The following NHSL2 variants were observed in gnomAD, a reference collection of about 807,000 sequenced individuals.
NHSL2 encodes NHS-like protein 2.
Under a neutral mutation model 53.4 loss-of-function variants are expected in NHSL2, and 27 were observed. The ratio of observed to expected loss-of-function variants is 0.51; its 90% CI spans 0.37 to 0.70. The LOEUF (loss-of-function observed/expected upper bound fraction) is 0.70, where lower values mean the gene tolerates loss of function less well. Among genes scored for constraint, NHSL2 ranks in the 30% least tolerant of loss-of-function variants. The pLI, the probability that NHSL2 is intolerant of heterozygous loss-of-function variation, is 0.00. For synonymous variants in NHSL2, 408 were observed against 404.1 expected (o/e 1.01, Z -0.12); for missense variants, 892 against 980.1 (o/e 0.91, Z 1.20).
intron 1 of NHSL2, among the ~76,000 whole-genome samples, chrX:71,980,362 A>T (rs886808208): frequency 7.2e-5 from 8 of 111,294 alleles, no homozygotes; most frequent in Non-Finnish European, 1.1e-4. Context: ...CAGTATGGCC[A>T]TTTTCACGAT....
At chrX:72,066,342 T>G (rs182662219) in intron 1 of NHSL2, among the ~76,000 whole-genome samples, 1 of 111,986 alleles carries the variant, frequency 8.9e-6, no homozygotes, top group South Asian at 3.7e-4. Context: ...GAGAAAGCAC[T>G]GAATGTGGAG....
intron 1 of NHSL2, among the ~76,000 whole-genome samples, chrX:72,058,608 G>A (rs1432661511): frequency 8.9e-6 from 1 of 112,024 alleles, no homozygotes; most frequent in African/African-American, 3.3e-5. Flanking sequence ...ATCCCAAAGT[G>A]CTGGGATTAT....
chrX:72,144,640 T>C lies in NHSL2; in HGVS notation c.*1066T>C. 1 of 753,693 alleles carries C rather than the reference T, an allele frequency of 1.3e-6. No individual in the cohort carries two copies. Among genetic ancestry groups the C allele is most frequent in the East Asian group, 6.6e-5 (1 of 15,063 alleles). 62.1% of individuals were successfully genotyped at this position (753,693 alleles called of 1,213,427 possible). ...GACTCTGTTCCAAAAACCAAGAACATATAAACTAAAAGGATCTATCCAAAA... is the reference window on the plus strand; with the variant it reads ...GACTCTGTTCCAAAAACCAAGAACACATAAACTAAAAGGATCTATCCAAAA... On this transcript the variant is annotated 3_prime_UTR_variant, in exon 8 of 8. Coordinates refer to ENST00000633930, the MANE Select transcript of NHSL2 (RefSeq NM_001013627.3).
intron 1 of NHSL2, among the ~76,000 whole-genome samples, chrX:72,121,953 A>G (rs758153219): frequency 8.9e-6 from 1 of 112,524 alleles, no homozygotes; most frequent in South Asian, 3.6e-4. Flanking sequence ...ATCTCAAAAA[A>G]TCATTTGTGT....
At chrX:72,007,110 A>G (rs1020456815) in intron 1 of NHSL2, among the ~76,000 whole-genome samples, 7 of 112,065 alleles carry the variant, frequency 6.2e-5, no homozygotes, top group Admixed American at 1.9e-4. Flanking sequence ...TGGAAGAGCT[A>G]GGAAAGAGAA....
chrX:71,914,820 C>G (rs887747758), intron 1 of NHSL2, among the ~76,000 whole-genome samples: 3 of 110,890 alleles, frequency 2.7e-5, no homozygotes, highest in Admixed American at 9.6e-5. Flanking sequence ...TGAGTCTGAC[C>G]GTCCTTGCTA....
At chrX:72,020,791 G>A (rs1358200684) in intron 1 of NHSL2, among the ~76,000 whole-genome samples, 1 of 112,849 alleles carries the variant, frequency 8.9e-6, no homozygotes, top group Non-Finnish European at 1.9e-5. Flanking sequence ...CCATGGACCA[G>A]TGACATAGAA....
In NHSL2 at chrX:71,962,067, C is replaced by T. The variant is rs372032221; in HGVS notation, c.280+50700C>T. 4.5e-5 allele frequency among the ~76,000 whole-genome samples: 5 copies of T among 112,334 alleles called. No individual in the cohort carries two copies. The South Asian group carries it at 1.8e-3, about 41-fold the overall frequency. ...TTTTTTGTTTGTTTTGCTTCATTTTCAAATGATCATGTGGTCTTTTTCCTT... is the reference window on the plus strand; with the variant it reads ...TTTTTTGTTTGTTTTGCTTCATTTTTAAATGATCATGTGGTCTTTTTCCTT... On this transcript the variant is annotated intron_variant, in intron 1 of 7. Coordinates refer to ENST00000633930, the MANE Select transcript of NHSL2 (RefSeq NM_001013627.3).
At chrX:72,137,373 A>C in intron 5 of NHSL2, 148 bp downstream of exon 5, 1 of 512,170 alleles carries the variant, frequency 2.0e-6, no homozygotes, top group Non-Finnish European at 3.2e-6. Flanking sequence ...CAATATGGTA[A>C]TTAAGAATAG....
intron 1 of NHSL2, among the ~76,000 whole-genome samples, chrX:72,104,324 C>T (rs1422121245): frequency 8.9e-6 from 1 of 112,694 alleles, no homozygotes; most frequent in Non-Finnish European, 1.9e-5. Flanking sequence ...ATATAGATAA[C>T]TTTAAATGCA....
chrX:71,988,107 GAGAA>G (rs2042010880), intron 1 of NHSL2, among the ~76,000 whole-genome samples: 1 of 112,206 alleles, frequency 8.9e-6, no homozygotes, highest in Non-Finnish European at 1.9e-5. Context: ...ATGGAAAAGA[GAGAA>G]AGAAAGAGAG....
chrX:72,115,949 C>T (rs959278515), intron 1 of NHSL2, among the ~76,000 whole-genome samples: 8 of 111,023 alleles, frequency 7.2e-5, no homozygotes, highest in African/African-American at 2.6e-4. Context: ...GTTTGAATGT[C>T]TAGGAGTGGG....
At chrX:72,090,061 G>A (rs2041883144) in intron 1 of NHSL2, among the ~76,000 whole-genome samples, 1 of 110,262 alleles carries the variant, frequency 9.1e-6, no homozygotes, top group African/African-American at 3.3e-5. Flanking sequence ...TTGTTTGTTT[G>A]TTTTGTTTTG....
intron 1 of NHSL2, among the ~76,000 whole-genome samples, chrX:72,107,990 T>C (rs1234456682): frequency 9.0e-6 from 1 of 111,639 alleles, no homozygotes; most frequent in Non-Finnish European, 1.9e-5. Context: ...GGAGGCTGGA[T>C]CGTAAGAGAG....
chrX:72,121,134 C>G (rs1457747122), intron 1 of NHSL2, among the ~76,000 whole-genome samples: 3 of 112,130 alleles, frequency 2.7e-5, no homozygotes, highest in African/African-American at 9.7e-5. Context: ...GTCACGGCAC[C>G]CAGGACTGTG....
chrX:72,014,857 A>G lies in NHSL2; in HGVS notation c.280+103490A>G, dbSNP rs5991863. Among the ~76,000 whole-genome samples, 276 of 109,214 alleles carry G rather than the reference A, an allele frequency of 2.5e-3. 1 individual carries two copies. Among genetic ancestry groups the G allele is most frequent in the African/African-American group, 8.7e-3 (261 of 29,996 alleles). The allele number at this position is 109,214 out of a possible 115,157, so 94.8% of individuals were successfully genotyped here. ...TGCTGATTTTCTATCTAGTAGGTCT[A>G]TCCCAGATGCCTGCTCAGCCTTCTC... On this transcript the variant is annotated intron_variant, in intron 1 of 7. Coordinates refer to ENST00000633930, the MANE Select transcript of NHSL2 (RefSeq NM_001013627.3).
chrX:72,090,891 C>A (rs888341283), intron 1 of NHSL2, among the ~76,000 whole-genome samples: 1 of 110,626 alleles, frequency 9.0e-6, no homozygotes, highest in Admixed American at 9.7e-5. Context: ...CTGCACCTTA[C>A]TTTTTTCACC....
rs762719121 is a variant in NHSL2, at chrX:72,139,945, C to G, written c.2397C>G (p.His799Gln). 4 of 1,209,780 alleles carry G rather than the reference C, an allele frequency of 3.3e-6. No homozygotes were observed. The South Asian group carries it at 7.1e-5, about 21-fold the overall frequency. Reference protein sequence around the residue: ...SIRSKTKVSRHHSETNFGVKL... With the variant: ...SIRSKTKVSRQHSETNFGVKL... ...GAAGCAAAACTAAGGTGAGTCGGCA[C>G]CACTCAGAGACAAATTTTGGCGTCA... Residue 799 changes from histidine (H) to glutamine (Q), a missense_variant, in exon 6 of 8, where the codon CAC becomes CAG. By Grantham distance (24) the His-to-Gln change is conservative (BLOSUM62 0). Coordinates refer to ENST00000633930, the MANE Select transcript of NHSL2 (RefSeq NM_001013627.3).
intron 1 of NHSL2, among the ~76,000 whole-genome samples, chrX:72,003,707 A>G (rs2042081742): frequency 8.9e-6 from 1 of 111,876 alleles, no homozygotes; most frequent in Admixed American, 9.4e-5. Flanking sequence ...TAAGCTCTAT[A>G]ATGATTCAGT....
Sources: gnomAD v4.1 joint callset for allele counts (sites outside exome capture counted in the v4.1 genomes callset) on GRCh38, gnomAD v4.1.1 for gene constraint, MANE v1.5 for transcripts, NCBI Gene and HGNC (gene_info 2026-07-23, HGNC 2026-07-21) for gene names.